Variants in ALKBH1 observed in about 807,000 individuals in gnomAD.
The protein encoded by ALKBH1 is alkB homolog 1, histone H2A dioxygenase.
ALKBH1 carries 31 observed loss-of-function variants against 36.6 expected under a neutral mutation model. That is an observed-to-expected ratio of 0.85 (90% confidence interval 0.64 to 1.14). The LOEUF is 1.14. Ranked by LOEUF, ALKBH1 falls within the 50% of genes most tolerant of loss-of-function variation. The probability of loss-of-function intolerance (pLI) is 0.00; values close to 1 mark genes in which losing one functional copy is unlikely to be tolerated. For missense variants in ALKBH1, 490 were observed against 497.3 expected, an observed-to-expected ratio of 0.99 and a Z score of 0.14; for synonymous variants, 183 against 186.6, an observed-to-expected ratio of 0.98 and a Z score of 0.16.
chr14:77,683,621 G>T, intron 3 of ALKBH1: 1 of 330,464 alleles, frequency 3.0e-6, no homozygotes, highest in Non-Finnish European at 5.7e-6. Context: ...ACCTAGGCTG[G>T]AGTGCAGTGG....
intron 4 of ALKBH1, among the ~76,000 whole-genome samples, chr14:77,677,933 C>T (rs1357724769): frequency 1.3e-5 from 2 of 152,076 alleles, no homozygotes; most frequent in Admixed American, 1.3e-4. Context: ...ACTGTCTCTG[C>T]ATTACTCACT....
rs767157305 is a variant in ALKBH1, at chr14:77,708,013, C to G, written c.-9G>C. ...GCTGCCATCTTCCCCATCTCGCGGC[C>G]TATACCCTCTGATCCGGAAGCAGAT... On this transcript the variant is annotated 5_prime_UTR_variant, in exon 1 of 6. Transcript: ENST00000216489. 6.2e-7 allele frequency: 1 copy of G among 1,609,648 alleles called. No individual in the cohort carries two copies. Among genetic ancestry groups the G allele is most frequent in the South Asian group, 1.1e-5 (1 of 90,786 alleles).
chr14:77,680,677 C>CTCTCTCTTTTTTTTTTTTTTTTTTT (rs774703181), intron 3 of ALKBH1, among the ~76,000 whole-genome samples: 1 of 124,348 alleles, frequency 8.0e-6, no homozygotes, highest in African/African-American at 3.2e-5. Flanking sequence ...ATTAACTACT[C>CTCTCTCTTTTTTTTTTTTTTTTTTT]TTTTTTTTTT....
At position 77,679,942 on chromosome 14, in the gene ALKBH1, G is replaced by A. The variant is rs763045994; in HGVS notation, c.484C>T (p.Arg162Ter). The A allele has an allele frequency of 6.2e-6, 10 of 1,613,948 alleles. No individual in the cohort carries two copies. The highest frequency in any genetic ancestry group is 1.6e-4 in the Middle Eastern group (1 of 6,084). ...RYKEATKRRP[R>*]SLLEKLRWVT... ...CAACGCAGTTTCTCCAGTAAACTTC[G>A]GGGTCTCCGTTTAGTCGCTTCTTTA... is the stretch of plus-strand genomic sequence containing the variant. The change falls in exon 4 of 6, where the codon CGA becomes TGA. Residue 162 changes from arginine to a stop codon, truncating the protein, a stop_gained. Coordinates refer to ENST00000216489, the MANE Select transcript of ALKBH1 (RefSeq NM_006020.3). LOFTEE classifies it high-confidence loss of function.
intron 3 of ALKBH1, among the ~76,000 whole-genome samples, chr14:77,688,320 G>T (rs1024925317): frequency 6.6e-6 from 1 of 150,832 alleles, no homozygotes; most frequent in Non-Finnish European, 1.5e-5. Flanking sequence ...GCAGTGGCGT[G>T]ATCTCAGCTC....
At chr14:77,707,542 G>A (rs1329582546) in intron 1 of ALKBH1, among the ~76,000 whole-genome samples, 1 of 152,138 alleles carries the variant, frequency 6.6e-6, no homozygotes, top group Non-Finnish European at 1.5e-5. Context: ...AACCCAAACA[G>A]AAATGTGAGG....
chr14:77,699,521 T>A (rs543554238), intron 2 of ALKBH1, among the ~76,000 whole-genome samples: 74 of 152,318 alleles, frequency 4.9e-4, no homozygotes, highest in Non-Finnish European at 9.1e-4. Flanking sequence ...TCATTAATCT[T>A]CAGTAACTCT....
intron 3 of ALKBH1, among the ~76,000 whole-genome samples, chr14:77,689,846 T>TA (rs150009509): frequency 0.13 from 20,148 of 149,980 alleles, 1,795 homozygotes; most frequent in African/African-American, 0.25. Context: ...TGCACTTAAT[T>TA]AAAAAAAAAA....
chr14:77,706,427 C>T lies in ALKBH1; in HGVS notation c.183+1395G>A, dbSNP rs79219632. 3.1e-3 allele frequency among the ~76,000 whole-genome samples: 471 copies of T among 152,276 alleles called. 5 individuals carry two copies. The highest frequency in any genetic ancestry group is 0.011 in the African/African-American group (459 of 41,552). The stretch of plus-strand genomic sequence containing the variant: ...TCATATGCTAAACTGAACGACACCA[C>T]TGAGCTTTTATAAAAGGTTTTCTCT... On this transcript the variant is annotated intron_variant, in intron 1 of 5. Transcript: ENST00000216489.
In ALKBH1 at chr14:77,672,965, C is replaced by T. The variant is rs2080184286; in HGVS notation, c.*847G>A. The T allele has an allele frequency of 6.6e-6, 1 of 151,948 alleles. No homozygotes were observed. The highest frequency in any genetic ancestry group is 1.5e-5 in the Non-Finnish European group (1 of 67,986). The allele number at this position is 151,948 out of a possible 1,614,324, so 9.4% of individuals were successfully genotyped here. A position where few individuals can be genotyped will look rare whatever the true frequency, so the allele number is the denominator to read the frequency against. On this transcript the variant is annotated 3_prime_UTR_variant, in exon 6 of 6. Transcript: ENST00000216489. The stretch of plus-strand genomic sequence containing the variant: ...AGAAACAGCTAGAGGGCTTCAATAG[C>T]ATGAACAATACAGCAAAGAAAAACA...
chr14:77,692,500 A>C (rs938185459), intron 3 of ALKBH1, among the ~76,000 whole-genome samples: 1 of 152,218 alleles, frequency 6.6e-6, no homozygotes, highest in Admixed American at 6.5e-5. Flanking sequence ...TACAGTTCAC[A>C]ACAGGGTTCG....
At chr14:77,692,471 A>C (rs1275410727) in intron 3 of ALKBH1, among the ~76,000 whole-genome samples, 1 of 152,218 alleles carries the variant, frequency 6.6e-6, no homozygotes, top group Non-Finnish European at 1.5e-5. Context: ...AGGAGTGCGC[A>C]ACCTAGATCC....
At chr14:77,694,337 G>A (rs757643200) in intron 3 of ALKBH1, among the ~76,000 whole-genome samples, 2 of 152,146 alleles carry the variant, frequency 1.3e-5, no homozygotes, top group African/African-American at 2.4e-5. Context: ...ATCATAAAAC[G>A]GCTAGTACCA....
intron 3 of ALKBH1, among the ~76,000 whole-genome samples, chr14:77,691,506 T>C (rs1371223516): frequency 1.3e-5 from 2 of 152,126 alleles, no homozygotes; most frequent in Non-Finnish European, 2.9e-5. Context: ...CATGATTCAA[T>C]TACCTTGAAT....
Position 77,682,040 on chromosome 14 carries a change from T to G in ALKBH1, c.456-2070A>C, listed in dbSNP as rs1416022460. Among the ~76,000 whole-genome samples, 3 of 152,170 alleles carry G rather than the reference T, an allele frequency of 2.0e-5. No homozygotes were observed. In the East Asian group the frequency reaches 5.8e-4, roughly 29 times the overall value. On this transcript the variant is annotated intron_variant, in intron 3 of 5. Coordinates refer to ENST00000216489, the MANE Select transcript of ALKBH1 (RefSeq NM_006020.3). ...GCAACCATCTGCTGAGTCCTGAGTC[T>G]TCCTGGCGAATCATCAAATTTGGGT...
chr14:77,698,962 G>A (rs529045101), intron 2 of ALKBH1, among the ~76,000 whole-genome samples: 26 of 152,096 alleles, frequency 1.7e-4, no homozygotes, highest in East Asian at 7.7e-4. Flanking sequence ...TAGTAGAGAC[G>A]GCATTTTGCC....
intron 2 of ALKBH1, among the ~76,000 whole-genome samples, chr14:77,701,651 T>A (rs2080360056): frequency 6.6e-6 from 1 of 152,122 alleles, no homozygotes; most frequent in East Asian, 1.9e-4. Context: ...TTAAGTCAGA[T>A]CCAGAAGTAA....
At chr14:77,699,831 G>T (rs1205103601) in intron 2 of ALKBH1, among the ~76,000 whole-genome samples, 15 of 152,152 alleles carry the variant, frequency 9.9e-5, no homozygotes, top group African/African-American at 3.1e-4. Flanking sequence ...AAGGAGGGCG[G>T]ATCACGAGGT....
At chr14:77,679,547 C>T (rs2080225185) in intron 4 of ALKBH1, among the ~76,000 whole-genome samples, 1 of 152,152 alleles carries the variant, frequency 6.6e-6, no homozygotes, top group African/African-American at 2.4e-5. Context: ...CCTCTCACCT[C>T]AGCCTCTTGA....
Sources: allele counts gnomAD v4.1 joint callset (sites outside exome capture counted in the v4.1 genomes callset), GRCh38; gene constraint gnomAD v4.1.1; transcripts MANE v1.5; gene names NCBI Gene and HGNC (gene_info 2026-07-23, HGNC 2026-07-21).